Variants in BCKDHB observed in about 807,000 individuals in gnomAD.
BCKDHB encodes branched chain keto acid dehydrogenase E1 subunit beta.
BCKDHB carries 41 observed loss-of-function variants against 48.5 expected under a neutral mutation model. The observed-to-expected ratio is 0.85, with a 90% CI of 0.66 to 1.10. The LOEUF (loss-of-function observed/expected upper bound fraction) is 1.10, where lower values mean the gene tolerates loss of function less well. Ranked by LOEUF, BCKDHB falls within the 50% of genes least tolerant of loss-of-function variation. The probability of loss-of-function intolerance (pLI) is 0.00; values close to 1 mark genes in which losing one functional copy is unlikely to be tolerated. For missense variants in BCKDHB, 496 were observed against 494.2 expected (o/e 1.00, Z -0.03); for synonymous variants, 201 against 174.8 (o/e 1.15, Z -1.18).
At chr6:80,433,813 G>A in the BCKDHB span, among the ~76,000 whole-genome samples, 16 of 152,134 alleles carry the variant, frequency 1.1e-4, no homozygotes, top group Non-Finnish European at 1.5e-4. Context: ...TGTGATGCAC[G>A]GTTGTGCAAT....
At chr6:80,212,624 G>A (rs1774990956) in intron 8 of BCKDHB, among the ~76,000 whole-genome samples, 1 of 152,160 alleles carries the variant, frequency 6.6e-6, no homozygotes, top group African/African-American at 2.4e-5. Context: ...TATATCCTCA[G>A]TTTACGAAGA....
intron 8 of BCKDHB, among the ~76,000 whole-genome samples, chr6:80,270,929 A>G (rs1777713339): frequency 6.6e-6 from 1 of 152,134 alleles, no homozygotes; most frequent in Admixed American, 6.6e-5. Context: ...GTATTTTTAA[A>G]TGTTTGGCAC....
At chr6:80,330,899 C>A (rs1224300887) in intron 9 of BCKDHB, among the ~76,000 whole-genome samples, 2 of 152,176 alleles carry the variant, frequency 1.3e-5, no homozygotes, top group Non-Finnish European at 2.9e-5. Context: ...TACTATGTCA[C>A]AAATTTTACC....
the BCKDHB span, among the ~76,000 whole-genome samples, chr6:80,351,482 C>A: frequency 1.3e-5 from 2 of 151,962 alleles, no homozygotes; most frequent in Non-Finnish European, 2.9e-5. Context: ...CTGTATTGTC[C>A]CCTTTTTTCA....
the BCKDHB span, among the ~76,000 whole-genome samples, chr6:80,359,590 T>C: frequency 0.059 from 7,644 of 129,610 alleles, 382 homozygotes; most frequent in African/African-American, 0.17. Flanking sequence ...TTGTTTCTTA[T>C]TGTTGTTGTT....
chr6:80,180,360 C>A (rs1773353576), intron 6 of BCKDHB, among the ~76,000 whole-genome samples: 2 of 152,150 alleles, frequency 1.3e-5, no homozygotes, highest in South Asian at 4.2e-4. Context: ...GTAGATAAGG[C>A]AGAAAAATCC....
chr6:80,295,900 A>G (rs1290009582), intron 9 of BCKDHB, among the ~76,000 whole-genome samples: 1 of 152,230 alleles, frequency 6.6e-6, no homozygotes, highest in Non-Finnish European at 1.5e-5. Context: ...CTACAGTTCA[A>G]GATGAGATTT....
At chr6:80,268,711 A>G (rs1562190144) in intron 8 of BCKDHB, among the ~76,000 whole-genome samples, 2 of 152,128 alleles carry the variant, frequency 1.3e-5, no homozygotes, top group African/African-American at 2.4e-5. Flanking sequence ...GCCTATCTGT[A>G]TCAGTTCTCC....
At chr6:80,315,921 T>G (rs1288497189) in intron 9 of BCKDHB, among the ~76,000 whole-genome samples, 2 of 152,226 alleles carry the variant, frequency 1.3e-5, no homozygotes, top group Non-Finnish European at 2.9e-5. Flanking sequence ...ATTCCTTCTC[T>G]TTTCTTCCTG....
chr6:80,224,472 A>C (rs986501964), intron 8 of BCKDHB, among the ~76,000 whole-genome samples: 3 of 152,030 alleles, frequency 2.0e-5, no homozygotes, highest in Non-Finnish European at 4.4e-5. Context: ...AGCTCACTGC[A>C]ACCTCTGCCT....
At chr6:80,177,504 A>G (rs1773220683) in intron 6 of BCKDHB, among the ~76,000 whole-genome samples, 1 of 152,136 alleles carries the variant, frequency 6.6e-6, no homozygotes, top group African/African-American at 2.4e-5. Flanking sequence ...ATGTAGAGGG[A>G]TACTGAGAAG....
intron 3 of BCKDHB, among the ~76,000 whole-genome samples, chr6:80,143,242 T>C (rs1771311385): frequency 6.6e-6 from 1 of 152,100 alleles, no homozygotes; most frequent in African/African-American, 2.4e-5. Context: ...TGCTCAGACA[T>C]TGAGTTGATA....
the BCKDHB span, among the ~76,000 whole-genome samples, chr6:80,434,705 T>A: frequency 2.6e-5 from 4 of 152,176 alleles, no homozygotes; most frequent in African/African-American, 9.7e-5. Flanking sequence ...TTGAGCTAAT[T>A]TCATTCTGCT....
the BCKDHB span, among the ~76,000 whole-genome samples, chr6:80,385,154 G>A: frequency 2.6e-5 from 4 of 152,296 alleles, no homozygotes; most frequent in African/African-American, 7.2e-5. Context: ...TTCAATGGAC[G>A]AAGTGATGAA....
At chr6:80,322,083 T>C (rs1768756878) in intron 9 of BCKDHB, among the ~76,000 whole-genome samples, 2 of 152,196 alleles carry the variant, frequency 1.3e-5, no homozygotes, top group South Asian at 4.1e-4. Context: ...AAAGCATTTA[T>C]ATGTATATTA....
intron 3 of BCKDHB, chr6:80,135,786 C>T (rs886533864): frequency 6.6e-6 from 1 of 152,104 alleles, no homozygotes; most frequent in Admixed American, 6.6e-5. Context: ...CTTTTTTCAT[C>T]TTACAAAACT....
At chr6:80,387,479 T>A in the BCKDHB span, among the ~76,000 whole-genome samples, 1 of 152,350 alleles carries the variant, frequency 6.6e-6, no homozygotes, top group Admixed American at 6.5e-5. Flanking sequence ...ATCCCTGTTC[T>A]ACTCTCCCAT....
chr6:80,331,664 A>G (rs1347017947), intron 9 of BCKDHB, among the ~76,000 whole-genome samples: 1 of 152,198 alleles, frequency 6.6e-6, no homozygotes, highest in Non-Finnish European at 1.5e-5. Flanking sequence ...TGAATTCTAC[A>G]TCACTCACAG....
At chr6:80,355,435 T>A in the BCKDHB span, 1 of 147,428 alleles carries the variant, frequency 6.8e-6, no homozygotes, top group African/African-American at 2.6e-5. Context: ...GAAAATACTT[T>A]GTGTAAATTT....
Sources: allele counts gnomAD v4.1 joint callset (sites outside exome capture counted in the v4.1 genomes callset), GRCh38; gene constraint gnomAD v4.1.1; transcripts MANE v1.5; gene names NCBI Gene and HGNC (gene_info 2026-07-23, HGNC 2026-07-21).